SPMIP7: variants seen among roughly 807,000 people sequenced by gnomAD.
SPMIP7 encodes the protein sperm microtubule inner protein 7, also known as protein SPMIP7.
At chr7:50,130,561 G>T in the SPMIP7 span, among the ~76,000 whole-genome samples, 15 of 152,046 alleles carry the variant, frequency 9.9e-5, no homozygotes, top group African/African-American at 3.6e-4. Context: ...ATATCAAAAG[G>T]GAAACAGACA....
the SPMIP7 span, among the ~76,000 whole-genome samples, chr7:50,111,785 T>G: frequency 5.3e-5 from 8 of 152,078 alleles, no homozygotes; most frequent in Non-Finnish European, 8.8e-5. Context: ...TTTGCTACAC[T>G]GACAGAGAGA....
the SPMIP7 span, among the ~76,000 whole-genome samples, chr7:50,114,557 T>C: frequency 3.0e-4 from 46 of 151,966 alleles, no homozygotes; most frequent in African/African-American, 1.1e-3. Flanking sequence ...TAATAGGAGA[T>C]AAAATGAAAT....
the SPMIP7 span, among the ~76,000 whole-genome samples, chr7:50,124,300 T>G: frequency 6.6e-6 from 1 of 151,522 alleles, no homozygotes. Context: ...CCTTAGGGGG[T>G]TTTAACATCT....
At chr7:50,123,031 C>T in the SPMIP7 span, among the ~76,000 whole-genome samples, 4 of 140,832 alleles carry the variant, frequency 2.8e-5, no homozygotes, top group East Asian at 2.2e-4. Flanking sequence ...GATCTAGAAC[C>T]AGAAATACCA....
the SPMIP7 span, among the ~76,000 whole-genome samples, chr7:50,107,210 T>A: frequency 6.6e-6 from 1 of 151,302 alleles, no homozygotes; most frequent in Non-Finnish European, 1.5e-5. Flanking sequence ...ACAAAAGTTA[T>A]CCAGGTGTGG....
At chr7:50,152,272 G>A in the SPMIP7 span, among the ~76,000 whole-genome samples, 2 of 152,242 alleles carry the variant, frequency 1.3e-5, 1 homozygote, top group South Asian at 4.2e-4. Context: ...ACTTGAACCT[G>A]GGAGGTGGCG....
At chr7:50,134,374 G>A in the SPMIP7 span, 1 of 730,530 alleles carries the variant, frequency 1.4e-6, no homozygotes, top group South Asian at 2.2e-5. Context: ...TGTAAGATAA[G>A]TAAATATATA....
At chr7:50,125,139 CACATAT>C in the SPMIP7 span, among the ~76,000 whole-genome samples, 675 of 29,834 alleles carry the variant, frequency 0.023, 81 homozygotes, top group African/African-American at 0.12. Flanking sequence ...CACACACACA[CACATAT>C]ACACACATAT....
chr7:50,134,414 T>A, the SPMIP7 span, among the ~76,000 whole-genome samples: 2 of 151,426 alleles, frequency 1.3e-5, no homozygotes, highest in Admixed American at 6.6e-5. Flanking sequence ...ACGTATGGAG[T>A]TGAAATTTCC....
the SPMIP7 span, chr7:50,159,251 G>T: frequency 6.9e-7 from 1 of 1,447,294 alleles, no homozygotes. Context: ...CTGCTTCTCC[G>T]CGCTGCGCAG....
At chr7:50,114,424 G>A in the SPMIP7 span, among the ~76,000 whole-genome samples, 1 of 151,970 alleles carries the variant, frequency 6.6e-6, no homozygotes, top group South Asian at 2.1e-4. Flanking sequence ...TTTTTGAAAT[G>A]ATATATTATT....
chr7:50,096,065 A>C, the SPMIP7 span: 1 of 1,435,644 alleles, frequency 7.0e-7, no homozygotes, highest in Non-Finnish European at 9.2e-7. Context: ...ATAGTTATCA[A>C]AAATTCTAAA....
chr7:50,154,857 C>T, the SPMIP7 span, among the ~76,000 whole-genome samples: 2 of 152,180 alleles, frequency 1.3e-5, no homozygotes, highest in Non-Finnish European at 2.9e-5. Flanking sequence ...CTCATCAACA[C>T]TTATTATCTC....
chr7:50,144,506 A>G, the SPMIP7 span, among the ~76,000 whole-genome samples: 1 of 152,206 alleles, frequency 6.6e-6, no homozygotes, highest in Non-Finnish European at 1.5e-5. Flanking sequence ...TATATTGCCC[A>G]AGCCCTGAAT....
the SPMIP7 span, among the ~76,000 whole-genome samples, chr7:50,110,627 C>A: frequency 7.3e-6 from 1 of 136,952 alleles, no homozygotes; most frequent in African/African-American, 2.7e-5. Context: ...ATAATATATA[C>A]TACATATTAT....
chr7:50,105,535 C>T, the SPMIP7 span, among the ~76,000 whole-genome samples: 1 of 152,220 alleles, frequency 6.6e-6, no homozygotes, highest in East Asian at 1.9e-4. Flanking sequence ...ATGGGGCATA[C>T]CTCTCACATA....
chr7:50,098,923 A>G, the SPMIP7 span, among the ~76,000 whole-genome samples: 574 of 152,298 alleles, frequency 3.8e-3, 2 homozygotes, highest in Non-Finnish European at 6.2e-3. Context: ...TATCACCACC[A>G]TCCATCTCTG....
chr7:50,159,207 T>C, the SPMIP7 span: 2 of 1,542,548 alleles, frequency 1.3e-6, no homozygotes, highest in Non-Finnish European at 1.8e-6. Flanking sequence ...GGCCTCCGCC[T>C]GGGGAAGGCT....
chr7:50,141,266 T>C, the SPMIP7 span: 1 of 1,492,312 alleles, frequency 6.7e-7, no homozygotes, highest in Non-Finnish European at 9.2e-7. Flanking sequence ...CCTTCTTTCC[T>C]TTCCATTCTA....
Sources: gnomAD v4.1 joint callset for allele counts (sites outside exome capture counted in the v4.1 genomes callset) on GRCh38, gnomAD v4.1.1 for gene constraint, MANE v1.5 for transcripts, NCBI Gene and HGNC (gene_info 2026-07-23, HGNC 2026-07-21) for gene names.